SIRT4: variants seen among roughly 807,000 people sequenced by gnomAD.
The protein encoded by SIRT4 is NAD-dependent protein lipoamidase sirtuin-4, mitochondrial.
In SIRT4, 23 loss-of-function variants were observed where a neutral mutation model predicts 26.1. That is an observed-to-expected ratio of 0.88 (90% confidence interval 0.63 to 1.25). SIRT4 has a LOEUF of 1.25. SIRT4 is among the 50% of genes most tolerant of loss of function. SIRT4 has a pLI of 0.00. For missense variants in SIRT4, 361 were observed against 405.4 expected (o/e 0.89, Z 0.94); for synonymous variants, 155 against 158.4 (o/e 0.98, Z 0.16).
upstream of SIRT4, among the ~76,000 whole-genome samples, chr12:120,297,461 G>C (rs1872373047): frequency 6.8e-6 from 1 of 146,228 alleles, no homozygotes; most frequent in Non-Finnish European, 1.5e-5. Context: ...GCTATCAAGT[G>C]AAATTGTGTG....
chr12:120,311,501 G>A (rs1872969356), intron 2 of SIRT4, among the ~76,000 whole-genome samples: 1 of 151,712 alleles, frequency 6.6e-6, no homozygotes, highest in Admixed American at 6.6e-5. Flanking sequence ...GGAGGCCAAG[G>A]CAGGCGGATC....
At position 120,303,469 on chromosome 12, in the gene SIRT4, T is replaced by C; in HGVS notation, c.-1-92T>C. 2.1e-6 allele frequency: 3 copies of C among 1,422,494 alleles called. No homozygotes were observed. In the South Asian group the frequency reaches 4.2e-5, roughly 20 times the overall value. The allele number at this position is 1,422,494 out of a possible 1,614,324, so 88.1% of individuals were successfully genotyped here. ...TAGCCTGGGCAACAGAGGGAGACTC[T>C]GTCTCAAAAAACAAAACGAAAACAA... On this transcript the variant is annotated intron_variant, in intron 1 of 3. Coordinates refer to ENST00000202967, the MANE Select transcript of SIRT4 (RefSeq NM_012240.3).
chr12:120,299,343 C>T (rs956875544), upstream of SIRT4, among the ~76,000 whole-genome samples: 1 of 150,808 alleles, frequency 6.6e-6, no homozygotes, highest in Non-Finnish European at 1.5e-5. Context: ...CCTGAGGTCA[C>T]GAGTTCAAAA....
Position 120,303,760 on chromosome 12 carries a change from A to T in SIRT4, c.199A>T (p.Thr67Ser). 6.2e-7 allele frequency: 1 copy of T among 1,614,096 alleles called. No individual in the cohort carries two copies. The highest frequency in any genetic ancestry group is 8.5e-7 in the Non-Finnish European group (1 of 1,180,000). ...TGTGATGACTGGGGCAGGAATCTCC[A>T]CCGAATCGGGGATACCAGACTACAG... The part of the protein sequence containing the change: ...LLVMTGAGIS[T>S]ESGIPDYRSE... Residue 67 changes from threonine to serine, a missense_variant, in exon 2 of 4, where the codon ACC becomes TCC. By Grantham distance (58) the Thr-to-Ser change is moderately conservative (BLOSUM62 1). Transcript: ENST00000202967.
intron 2 of SIRT4, among the ~76,000 whole-genome samples, chr12:120,304,323 T>G (rs1872659246): frequency 6.6e-6 from 1 of 152,148 alleles, no homozygotes; most frequent in Non-Finnish European, 1.5e-5. Flanking sequence ...CCTCCAACTG[T>G]CTAGGACATG....
At chr12:120,291,914 T>TTA in the SIRT4 span, 3 of 151,610 alleles carry the variant, frequency 2.0e-5, no homozygotes, top group African/African-American at 7.3e-5. Context: ...GGAAAGGTTC[T>TTA]GTTCGCGCCC....
the SIRT4 span, among the ~76,000 whole-genome samples, chr12:120,292,591 G>A: frequency 2.0e-5 from 3 of 152,052 alleles, no homozygotes; most frequent in African/African-American, 7.2e-5. Context: ...GACAGACTTC[G>A]TCTCAAAAAG....
chr12:120,293,510 C>A, the SIRT4 span, among the ~76,000 whole-genome samples: 1 of 152,162 alleles, frequency 6.6e-6, no homozygotes, highest in Non-Finnish European at 1.5e-5. Context: ...GAAAAGGGAT[C>A]AAAATCAGGG....
chr12:120,307,043 G>A (rs1872768968), intron 2 of SIRT4, among the ~76,000 whole-genome samples: 1 of 152,160 alleles, frequency 6.6e-6, no homozygotes, highest in South Asian at 2.1e-4. Context: ...GCTAATTGGA[G>A]ACTTATTTCT....
chr12:120,291,913 C>CCT, the SIRT4 span: 16 of 151,550 alleles, frequency 1.1e-4, no homozygotes, highest in East Asian at 1.6e-3. Context: ...TGGAAAGGTT[C>CCT]TGTTCGCGCC....
At chr12:120,306,148 C>G (rs976659449) in intron 2 of SIRT4, among the ~76,000 whole-genome samples, 2 of 151,744 alleles carry the variant, frequency 1.3e-5, no homozygotes, top group Non-Finnish European at 2.9e-5. Flanking sequence ...CTGGGTAACA[C>G]AGCCAGACTC....
chr12:120,297,646 A>G (rs1872380732), upstream of SIRT4, among the ~76,000 whole-genome samples: 1 of 152,212 alleles, frequency 6.6e-6, no homozygotes, highest in African/African-American at 2.4e-5. Context: ...AACTCAGCTA[A>G]CTTTTCCTCA....
In SIRT4 at chr12:120,304,021, A is replaced by C; in HGVS notation, c.460A>C (p.Ser154Arg). 6.2e-7 allele frequency: 1 copy of C among 1,611,744 alleles called. No homozygotes were observed. Among genetic ancestry groups the C allele is most frequent in the South Asian group, 1.1e-5 (1 of 91,084 alleles). Residue 154 changes from serine to arginine, a missense_variant, in exon 2 of 4, where the codon AGT (serine) becomes CGT (arginine). Ser to Arg is a moderately radical substitution (Grantham distance 110, BLOSUM62 -1). Transcript: ENST00000202967. ...GGATGCTTTGCACACCAAGGCGGGG[A>C]GTCGGCGCCTGACAGAGCTCCACGG... Reference protein sequence around the residue: ...NVDALHTKAGSRRLTELHGCM... With the variant: ...NVDALHTKAGRRRLTELHGCM...
the SIRT4 span, chr12:120,291,957 TGAGG>T: frequency 6.6e-6 from 1 of 152,172 alleles, no homozygotes; most frequent in Non-Finnish European, 1.5e-5. Flanking sequence ...ACCATTACAT[TGAGG>T]GTGAGTGCCT....
chr12:120,293,833 C>T, the SIRT4 span, among the ~76,000 whole-genome samples: 381 of 114,562 alleles, frequency 3.3e-3, 1 homozygote, highest in Middle Eastern at 0.02. Context: ...CTTTCTATCT[C>T]TATGACTTTG....
chr12:120,293,179 A>G, the SIRT4 span: 4 of 152,194 alleles, frequency 2.6e-5, no homozygotes, highest in South Asian at 2.1e-4. Flanking sequence ...GTTTTCAATT[A>G]GCAATAATCG....
rs867110186 is a variant in SIRT4 at position 120,309,032 on chromosome 12, A to G, written c.498-3424A>G. Among the ~76,000 whole-genome samples the G allele has an allele frequency of 2.0e-5, 3 of 152,082 alleles. No homozygotes were observed. The South Asian group carries it at 6.2e-4, about 32-fold the overall frequency. On this transcript the variant is annotated intron_variant, in intron 2 of 3. Transcript: ENST00000202967. ...AAAAGTACAAGAACAACAAAAAATT[A>G]GCCGGGCATGGTGGCACATGCCTGT... is the stretch of plus-strand genomic sequence containing the variant.
chr12:120,304,025 G>A lies in SIRT4; in HGVS notation c.464G>A (p.Arg155Gln), dbSNP rs202219623. 8.0e-5 allele frequency: 129 copies of A among 1,611,104 alleles called. No homozygotes were observed. Among genetic ancestry groups the A allele is most frequent in the Admixed American group, 2.7e-4 (16 of 59,988 alleles). ...VDALHTKAGS[R>Q]RLTELHGCMD... ...GCTTTGCACACCAAGGCGGGGAGTC[G>A]GCGCCTGACAGAGCTCCACGGATGC... Residue 155 changes from arginine to glutamine, a missense_variant, in exon 2 of 4, where the codon CGG becomes CAG. By Grantham distance (43) the Arg-to-Gln change is conservative. Coordinates refer to ENST00000202967, the MANE Select transcript of SIRT4 (RefSeq NM_012240.3).
At chr12:120,304,835 A>ATT (rs1169655844) in intron 2 of SIRT4, among the ~76,000 whole-genome samples, 6 of 24,860 alleles carry the variant, frequency 2.4e-4, no homozygotes, top group East Asian at 5.9e-4. Context: ...ATATATATAT[A>ATT]TTTTTTTTTT....
Sources: gnomAD v4.1 joint callset for allele counts (sites outside exome capture counted in the v4.1 genomes callset) on GRCh38, gnomAD v4.1.1 for gene constraint, MANE v1.5 for transcripts, NCBI Gene and HGNC (gene_info 2026-07-23, HGNC 2026-07-21) for gene names.